Variants in PSMD1 observed in about 807,000 individuals in gnomAD.
The protein encoded by PSMD1 is proteasome 26S subunit, non-ATPase 1, also known as 26S proteasome non-ATPase regulatory subunit 1.
In PSMD1, 18 loss-of-function variants were observed where a neutral mutation model predicts 119.0. The observed-to-expected ratio is 0.15, with a 90% CI of 0.10 to 0.22. The LOEUF is 0.22. Ranked by LOEUF, PSMD1 falls within the 10% of genes least tolerant of loss-of-function variation. The pLI, the probability that PSMD1 is intolerant of heterozygous loss-of-function variation, is 1.00. For synonymous variants in PSMD1, 374 were observed against 396.6 expected, an observed-to-expected ratio of 0.94 and a Z score of 0.68; for missense variants, 702 against 1,158.5, an observed-to-expected ratio of 0.61 and a Z score of 5.72.
intron 15 of PSMD1, among the ~76,000 whole-genome samples, chr2:231,086,813 A>G (rs1694460421): frequency 6.6e-6 from 1 of 152,204 alleles, no homozygotes; most frequent in African/African-American, 2.4e-5. Context: ...GCAGTGGCTT[A>G]TGCCTGTAAT....
At chr2:231,139,630 A>G (rs972773381) in intron 17 of PSMD1, among the ~76,000 whole-genome samples, 2 of 151,684 alleles carry the variant, frequency 1.3e-5, no homozygotes, top group East Asian at 1.9e-4. Flanking sequence ...ATAACTACTC[A>G]GGTTATTTTA....
At chr2:231,071,416 C>G (rs1694038915) in intron 6 of PSMD1, among the ~76,000 whole-genome samples, 1 of 151,994 alleles carries the variant, frequency 6.6e-6, no homozygotes, top group Non-Finnish European at 1.5e-5. Context: ...CTACCAAGTT[C>G]TTTTCTCTGT....
intron 16 of PSMD1, chr2:231,123,347 T>C: frequency 9.0e-7 from 1 of 1,106,228 alleles, no homozygotes; most frequent in South Asian, 1.3e-5. Flanking sequence ...ATTAAATGAG[T>C]GTCCATTCTC....
At chr2:231,123,477 C>CA in intron 16 of PSMD1, 1 of 1,614,048 alleles carries the variant, frequency 6.2e-7, no homozygotes. Context: ...CAGCCACCGC[C>CA]AAGGACATTA....
At chr2:231,095,189 C>G (rs778243090) in intron 16 of PSMD1, among the ~76,000 whole-genome samples, 1 of 152,170 alleles carries the variant, frequency 6.6e-6, no homozygotes, top group Non-Finnish European at 1.5e-5. Context: ...CTGGGAGAGT[C>G]TGGGGCTGTA....
intron 5 of PSMD1, among the ~76,000 whole-genome samples, chr2:231,068,802 T>C (rs1693968595): frequency 6.6e-6 from 1 of 152,184 alleles, no homozygotes; most frequent in Non-Finnish European, 1.5e-5. Flanking sequence ...AAAATAGTGA[T>C]GTTGGCAATT....
In PSMD1 at chr2:231,109,449, G is replaced by A. The variant is rs1305486372; in HGVS notation, c.1883+22268G>A. ...AACAAGATAAATTGAGTCATTTTAT[G>A]ACCTGTAACTCTTCGATTAGATCCT... On this transcript the variant is annotated intron_variant, in intron 16 of 24. Transcript: ENST00000308696. 17 of 1,516,898 alleles carry A rather than the reference G, an allele frequency of 1.1e-5. No homozygotes were observed. The East Asian group carries it at 3.2e-4, about 28-fold the overall frequency. The allele number at this position is 1,516,898 out of a possible 1,614,324, so 94.0% of individuals were successfully genotyped here.
chr2:231,060,244 A>G (rs923030191), intron 1 of PSMD1: 1 of 152,168 alleles, frequency 6.6e-6, no homozygotes, highest in South Asian at 2.1e-4. Context: ...GAGGTTCTTT[A>G]TATCTGCTTT....
chr2:231,127,777 C>T (rs1268108251), intron 16 of PSMD1, among the ~76,000 whole-genome samples: 1 of 152,158 alleles, frequency 6.6e-6, no homozygotes, highest in Non-Finnish European at 1.5e-5. Context: ...TTAAATATTT[C>T]TATGCAAATA....
At chr2:231,130,790 T>G (rs1407604314) in intron 16 of PSMD1, among the ~76,000 whole-genome samples, 1 of 152,220 alleles carries the variant, frequency 6.6e-6, no homozygotes, top group Non-Finnish European at 1.5e-5. Flanking sequence ...TATGGAGACA[T>G]AGAAATAAGC....
intron 16 of PSMD1, among the ~76,000 whole-genome samples, chr2:231,129,650 T>C (rs1443160449): frequency 2.0e-5 from 3 of 152,234 alleles, no homozygotes; most frequent in African/African-American, 7.2e-5. Flanking sequence ...TGGTAAGTTA[T>C]ATGTATTCAC....
At chr2:231,157,958 G>C (rs1696551184) in intron 19 of PSMD1, among the ~76,000 whole-genome samples, 2 of 152,016 alleles carry the variant, frequency 1.3e-5, no homozygotes, top group Non-Finnish European at 2.9e-5. Context: ...TATCCTCGTA[G>C]AACACTGTGC....
chr2:231,123,892 C>T, intron 16 of PSMD1: 1 of 739,730 alleles, frequency 1.4e-6, no homozygotes, highest in Non-Finnish European at 2.4e-6. Flanking sequence ...TTGACACCTT[C>T]CTTTAAAAAA....
chr2:231,064,801 G>A (rs1244745943), intron 4 of PSMD1, among the ~76,000 whole-genome samples: 1 of 152,086 alleles, frequency 6.6e-6, no homozygotes, highest in African/African-American at 2.4e-5. Context: ...AAGTAGCTGG[G>A]ATGACAGGTG....
At chr2:231,160,981 C>T (rs964552549) in intron 19 of PSMD1, among the ~76,000 whole-genome samples, 6 of 152,198 alleles carry the variant, frequency 3.9e-5, no homozygotes, top group African/African-American at 9.6e-5. Context: ...GAGGCTGAGT[C>T]GGGAGGATCA....
intron 1 of PSMD1, among the ~76,000 whole-genome samples, chr2:231,059,958 A>G (rs921331215): frequency 2.0e-5 from 3 of 152,246 alleles, no homozygotes; most frequent in African/African-American, 7.2e-5. Flanking sequence ...AGTTAGTCAT[A>G]AGTGAAACCA....
intron 16 of PSMD1, among the ~76,000 whole-genome samples, chr2:231,132,813 T>C (rs906860188): frequency 1.3e-5 from 2 of 152,382 alleles, no homozygotes; most frequent in Non-Finnish European, 2.9e-5. Context: ...GGAATCACTA[T>C]GTTATTTCCA....
At chr2:231,114,016 C>G in intron 16 of PSMD1, 2 of 1,047,876 alleles carry the variant, frequency 1.9e-6, no homozygotes, top group South Asian at 2.7e-5. Context: ...CATCTTTTGT[C>G]TTTTTTGTTA....
intron 16 of PSMD1, chr2:231,113,986 C>A: frequency 1.4e-6 from 2 of 1,416,822 alleles, no homozygotes; most frequent in South Asian, 2.4e-5. Flanking sequence ...AACTTTCAGT[C>A]TACAGTTTTT....
Sources: allele counts gnomAD v4.1 joint callset (sites outside exome capture counted in the v4.1 genomes callset), GRCh38; gene constraint gnomAD v4.1.1; transcripts MANE v1.5; gene names NCBI Gene and HGNC (gene_info 2026-07-23, HGNC 2026-07-21).